The following CHD9 variants were observed in gnomAD, a reference collection of about 807,000 sequenced individuals.
CHD9 encodes the protein chromodomain helicase DNA binding protein 9, also known as ATP-dependent chromatin remodeler CHD9.
CHD9 carries 77 observed loss-of-function variants against 316.1 expected under a neutral mutation model. The observed-to-expected ratio is 0.24, with a 90% CI of 0.20 to 0.29. The LOEUF is 0.29. Among genes scored for constraint, CHD9 ranks in the 10% least tolerant of loss-of-function variants. The probability of loss-of-function intolerance (pLI) is 1.00; values close to 1 mark genes in which losing one functional copy is unlikely to be tolerated. For synonymous variants in CHD9, 1,129 were observed against 1,158.3 expected, an observed-to-expected ratio of 0.97 and a Z score of 0.51; for missense variants, 2,763 against 3,438.1, an observed-to-expected ratio of 0.80 and a Z score of 4.91.
chr16:53,062,964 G>A (rs1029137704), intron 1 of CHD9, among the ~76,000 whole-genome samples: 1 of 152,122 alleles, frequency 6.6e-6, no homozygotes, highest in African/African-American at 2.4e-5. Context: ...AGGTTGTGGT[G>A]AGCCAAGATC....
chr16:53,231,929 T>G (rs1290052962), intron 10 of CHD9, 145 bp downstream of exon 10: 2 of 749,998 alleles, frequency 2.7e-6, no homozygotes, highest in Non-Finnish European at 4.1e-6. Flanking sequence ...GAGCCAAAGC[T>G]TAAGAGGGAG....
At chr16:53,173,733 A>G (rs111433135) in intron 2 of CHD9, among the ~76,000 whole-genome samples, 23 of 151,924 alleles carry the variant, frequency 1.5e-4, no homozygotes, top group Non-Finnish European at 2.6e-4. Context: ...TTTAGTAGAG[A>G]TGGGGTTTCA....
At chr16:53,311,828 A>G (rs2056501673) in intron 34 of CHD9, 1 of 152,236 alleles carries the variant, frequency 6.6e-6, no homozygotes, top group Non-Finnish European at 1.5e-5. Flanking sequence ...TTATTTATAA[A>G]ATGAGCTTAA....
chr16:53,296,635 C>CG (rs1246968768), intron 29 of CHD9, among the ~76,000 whole-genome samples: 4 of 151,632 alleles, frequency 2.6e-5, no homozygotes, highest in Non-Finnish European at 4.4e-5. Context: ...TTAATAGAGA[C>CG]GGGGTTTCAC....
chr16:53,123,969 G>A (rs1057146910), intron 1 of CHD9, among the ~76,000 whole-genome samples: 7 of 152,030 alleles, frequency 4.6e-5, no homozygotes, highest in Non-Finnish European at 1.0e-4. Flanking sequence ...TCCAGTTTGT[G>A]TATATGCCAT....
rs571571709 is a variant in CHD9, at chr16:53,094,472, AC to A, written c.-165+39399del. ...AGTGAAAACTCACCCGTACCCGGTG[AC>A]CCCAGGTGACAATTCTGAACCTGCA... On this transcript the variant is annotated intron_variant, in intron 1 of 38. Transcript: ENST00000447540. Among the ~76,000 whole-genome samples the A allele has an allele frequency of 4.6e-5, 7 of 152,012 alleles. No homozygotes were observed. The South Asian group carries it at 8.3e-4, about 18-fold the overall frequency.
Position 53,187,976 on chromosome 16 carries a change from C to T in CHD9, c.1453-21506C>T, listed in dbSNP as rs1236867866. ...TGTTTTCACCACTCCCAAAAGAAAT[C>T]CCACATCTGTTAGCAGTCGTTCCTA... is the stretch of plus-strand genomic sequence containing the variant. On this transcript the variant is annotated intron_variant, in intron 2 of 38. Transcript: ENST00000447540. Among the ~76,000 whole-genome samples, 7 of 152,262 alleles carry T rather than the reference C, an allele frequency of 4.6e-5. No homozygotes were observed. In the East Asian group the frequency reaches 1.4e-3, roughly 29 times the overall value.
intron 2 of CHD9, among the ~76,000 whole-genome samples, chr16:53,171,684 A>G (rs2042737410): frequency 6.6e-6 from 1 of 152,048 alleles, no homozygotes; most frequent in Non-Finnish European, 1.5e-5. Flanking sequence ...CCCCGTCTCT[A>G]CAAAAACTAC....
At chr16:53,114,272 T>G (rs956505937) in intron 1 of CHD9, among the ~76,000 whole-genome samples, 2 of 152,256 alleles carry the variant, frequency 1.3e-5, no homozygotes, top group Middle Eastern at 3.4e-3. Context: ...ATTATTATTA[T>G]TTTGAGATGG....
At chr16:53,234,393 C>G (rs928455933) in intron 10 of CHD9, among the ~76,000 whole-genome samples, 2 of 152,100 alleles carry the variant, frequency 1.3e-5, no homozygotes, top group Admixed American at 1.3e-4. Context: ...AGAGGACATC[C>G]TTGCCTTATT....
intron 23 of CHD9, 142 bp from the exon 24 acceptor site, chr16:53,274,071 G>A (rs1008503733): frequency 3.0e-6 from 2 of 658,226 alleles, no homozygotes; most frequent in Non-Finnish European, 5.4e-6. Context: ...ATATATGGTA[G>A]TAATAAGATT....
intron 1 of CHD9, among the ~76,000 whole-genome samples, chr16:53,070,474 T>G (rs932367483): frequency 7.4e-5 from 11 of 149,026 alleles, no homozygotes; most frequent in African/African-American, 1.8e-4. Flanking sequence ...TAGCATGTCT[T>G]TCTTTCTTTC....
intron 1 of CHD9, among the ~76,000 whole-genome samples, chr16:53,102,355 CTAA>C (rs1440517647): frequency 2.0e-5 from 3 of 151,882 alleles, no homozygotes; most frequent in Admixed American, 6.6e-5. Flanking sequence ...AGTACAGTGT[CTAA>C]TAATAATTAT....
At chr16:53,078,568 G>A (rs902568904) in intron 1 of CHD9, among the ~76,000 whole-genome samples, 1 of 152,138 alleles carries the variant, frequency 6.6e-6, no homozygotes, top group Non-Finnish European at 1.5e-5. Context: ...ACATAAAACA[G>A]ACTAAGTATT....
At chr16:53,310,477 A>G (rs9788952) in intron 34 of CHD9, among the ~76,000 whole-genome samples, 18,488 of 152,182 alleles carry the variant, frequency 0.12, 1,308 homozygotes, top group South Asian at 0.23. Context: ...TGAACATTTT[A>G]TTGCTGTTGC....
At chr16:53,238,875 A>G (rs2048846193) in intron 12 of CHD9, among the ~76,000 whole-genome samples, 1 of 152,122 alleles carries the variant, frequency 6.6e-6, no homozygotes, top group South Asian at 2.1e-4. Context: ...TAATTTTACT[A>G]ATTGTTTTTA....
intron 1 of CHD9, among the ~76,000 whole-genome samples, chr16:53,150,808 T>C (rs1377739921): frequency 6.6e-6 from 1 of 152,236 alleles, no homozygotes; most frequent in East Asian, 1.9e-4. Context: ...TCAGCACCTC[T>C]GGCCTTCATG....
At chr16:53,160,878 G>A (rs1371328644) in intron 2 of CHD9, among the ~76,000 whole-genome samples, 1 of 152,172 alleles carries the variant, frequency 6.6e-6, no homozygotes, top group East Asian at 1.9e-4. Flanking sequence ...TTGCATTCCA[G>A]CCTGGGCAAC....
chr16:53,128,056 T>C (rs569659882), intron 1 of CHD9, among the ~76,000 whole-genome samples: 255 of 152,206 alleles, frequency 1.7e-3, no homozygotes, highest in Non-Finnish European at 2.8e-3. Flanking sequence ...AACGTATCTA[T>C]TGTAGGATGT....
Sources: gnomAD v4.1 joint callset for allele counts (sites outside exome capture counted in the v4.1 genomes callset) on GRCh38, gnomAD v4.1.1 for gene constraint, MANE v1.5 for transcripts, NCBI Gene and HGNC (gene_info 2026-07-23, HGNC 2026-07-21) for gene names.